Variants in FAM135B observed in about 807,000 individuals in gnomAD.
FAM135B encodes protein FAM135B.
In FAM135B, 43 loss-of-function variants were observed where a neutral mutation model predicts 127.7. That is an observed-to-expected ratio of 0.34 (90% CI 0.26 to 0.43). FAM135B has a LOEUF of 0.43. Among genes scored for constraint, FAM135B ranks in the 20% least tolerant of loss-of-function variants. The probability of loss-of-function intolerance (pLI) is 1.00; values close to 1 mark genes in which losing one functional copy is unlikely to be tolerated. For synonymous variants in FAM135B, 670 were observed against 665.1 expected (o/e 1.01, Z -0.11); for missense variants, 1,558 against 1,725.6 (o/e 0.90, Z 1.72).
rs1223887850 is a variant in FAM135B at position 138,454,188 on chromosome 8, C to T, written c.-20+42483G>A. Among the ~76,000 whole-genome samples the T allele has an allele frequency of 2.0e-5, 3 of 152,034 alleles. No individual in the cohort carries two copies. In the South Asian group the frequency reaches 6.2e-4, roughly 32 times the overall value. ...AAAAAAAAAGTAATTTTGAAAATGC[C>T]TTTTGAAAAGCAGCCTAAGTGTTTA... On this transcript the variant is annotated intron_variant, in intron 1 of 19. Transcript: ENST00000395297.
At chr8:138,140,345 A>ATGCC (rs565340727) in intron 17 of FAM135B, among the ~76,000 whole-genome samples, 75 of 152,364 alleles carry the variant, frequency 4.9e-4, no homozygotes, top group Non-Finnish European at 9.7e-4. Flanking sequence ...GGTGACCCTA[A>ATGCC]TGCCACATAA....
At chr8:138,376,532 C>T (rs1254441880) in intron 1 of FAM135B, among the ~76,000 whole-genome samples, 1 of 152,186 alleles carries the variant, frequency 6.6e-6, no homozygotes, top group East Asian at 1.9e-4. Context: ...TTCTCTGGCC[C>T]TTACCATGAT....
At chr8:138,292,196 G>A (rs960118675) in intron 3 of FAM135B, among the ~76,000 whole-genome samples, 1 of 151,962 alleles carries the variant, frequency 6.6e-6, no homozygotes, top group Non-Finnish European at 1.5e-5. Context: ...AAAATACTTA[G>A]GGACAAATTT....
intron 16 of FAM135B, 27 bp downstream of exon 16, chr8:138,142,985 C>A (rs2130622552): frequency 8.2e-7 from 1 of 1,215,038 alleles, no homozygotes; most frequent in Non-Finnish European, 1.2e-6. Context: ...CTTCCCCCAG[C>A]ATTAACTACC....
At chr8:138,400,605 A>T (rs1431009504) in intron 1 of FAM135B, among the ~76,000 whole-genome samples, 1 of 152,160 alleles carries the variant, frequency 6.6e-6, no homozygotes, top group East Asian at 1.9e-4. Flanking sequence ...GTGTGGAAGG[A>T]GCTGCCTGAT....
chr8:138,142,967 TCC>T, intron 16 of FAM135B, 43 bp downstream of exon 16: 1 of 985,614 alleles, frequency 1.0e-6, no homozygotes. Context: ...CTCAAAAATG[TCC>T]CCCCTCTTCC....
At chr8:138,256,475 T>C (rs1180981733) in intron 5 of FAM135B, among the ~76,000 whole-genome samples, 1 of 152,186 alleles carries the variant, frequency 6.6e-6, no homozygotes. Flanking sequence ...TTTCTGTGTA[T>C]GCATTTGAGC....
At chr8:138,352,491 CA>C (rs1829843482) in intron 2 of FAM135B, among the ~76,000 whole-genome samples, 1 of 152,160 alleles carries the variant, frequency 6.6e-6, no homozygotes, top group African/African-American at 2.4e-5. Context: ...ATTCAGTAAA[CA>C]AAACTTGGCT....
chr8:138,256,672 A>G lies in FAM135B; in HGVS notation c.368+17T>C. Reference sequence around the variant, plus strand: ...AGCACTGTGCTACTACAATTCAATAATTTCCATGACACTCACTGCTGTTCA... The same window carrying G: ...AGCACTGTGCTACTACAATTCAATAGTTTCCATGACACTCACTGCTGTTCA... On this transcript the variant is annotated intron_variant, in intron 5 of 19. Transcript: ENST00000395297. 6.2e-7 allele frequency: 1 copy of G among 1,610,548 alleles called. No homozygotes were observed. The highest frequency in any genetic ancestry group is 8.5e-7 in the Non-Finnish European group (1 of 1,177,008).
intron 7 of FAM135B, among the ~76,000 whole-genome samples, chr8:138,220,987 C>G (rs1021069811): frequency 6.6e-6 from 1 of 152,130 alleles, no homozygotes; most frequent in South Asian, 2.1e-4. Flanking sequence ...AGACTAAAAA[C>G]GAAGTGAGAC....
At chr8:138,246,159 G>C (rs1821265057) in intron 6 of FAM135B, among the ~76,000 whole-genome samples, 1 of 152,140 alleles carries the variant, frequency 6.6e-6, no homozygotes, top group African/African-American at 2.4e-5. Context: ...TTTGCAGCCT[G>C]ATGATGCAAT....
intron 2 of FAM135B, among the ~76,000 whole-genome samples, chr8:138,313,568 T>C (rs1408367469): frequency 6.8e-6 from 1 of 148,034 alleles, no homozygotes; most frequent in African/African-American, 2.5e-5. Flanking sequence ...GAGGTCTTGC[T>C]ATGTCGCCCA....
intron 7 of FAM135B, among the ~76,000 whole-genome samples, chr8:138,222,089 A>C (rs902113485): frequency 1.3e-5 from 2 of 152,130 alleles, no homozygotes; most frequent in African/African-American, 4.8e-5. Context: ...GGAGATGTGG[A>C]AGACAGAAAA....
intron 1 of FAM135B, among the ~76,000 whole-genome samples, chr8:138,455,649 T>C (rs2131599509): frequency 6.6e-6 from 1 of 152,260 alleles, no homozygotes; most frequent in South Asian, 2.1e-4. Context: ...GCTTCTACAT[T>C]CTGGCTCTGT....
intron 9 of FAM135B, among the ~76,000 whole-genome samples, chr8:138,178,909 G>C (rs1248469918): frequency 2.6e-5 from 4 of 152,170 alleles, no homozygotes; most frequent in African/African-American, 9.7e-5. Context: ...AAATTATTGA[G>C]GTAGTTCCTA....
chr8:138,206,324 T>G (rs1433609478), intron 7 of FAM135B, among the ~76,000 whole-genome samples: 10 of 142,262 alleles, frequency 7.0e-5, no homozygotes, highest in Admixed American at 1.4e-4. Flanking sequence ...CACAGCTCTA[T>G]CATCCCCTCC....
chr8:138,379,868 C>T (rs377142498), intron 1 of FAM135B, among the ~76,000 whole-genome samples: 11 of 152,302 alleles, frequency 7.2e-5, no homozygotes, highest in East Asian at 1.9e-4. Flanking sequence ...GGAAGAACGT[C>T]GCAGATGCCA....
intron 19 of FAM135B, among the ~76,000 whole-genome samples, chr8:138,133,888 T>C (rs1218445002): frequency 1.3e-5 from 2 of 152,026 alleles, no homozygotes; most frequent in Non-Finnish European, 2.9e-5. Context: ...TTTCCCCCCC[T>C]TCTTAGGGTC....
rs142230833 is a variant in FAM135B, at chr8:138,181,723, C to A, written c.874-3033G>T. 1.9e-3 allele frequency among the ~76,000 whole-genome samples: 287 copies of A among 151,990 alleles called. 2 individuals are homozygous for A. The highest frequency in any genetic ancestry group is 6.8e-3 in the Middle Eastern group (2 of 292). ...TTTTTTTTTCTCTAAATAATTTCAA[C>A]TTTTGTTTTAAATTCAGAGAGTCCA... On this transcript the variant is annotated intron_variant, in intron 9 of 19. Coordinates refer to ENST00000395297, the MANE Select transcript of FAM135B (RefSeq NM_015912.4).
Sources: gnomAD v4.1 joint callset for allele counts (sites outside exome capture counted in the v4.1 genomes callset) on GRCh38, gnomAD v4.1.1 for gene constraint, MANE v1.5 for transcripts, NCBI Gene and HGNC (gene_info 2026-07-23, HGNC 2026-07-21) for gene names.